GPR176: variants seen among roughly 807,000 people sequenced by gnomAD.
GPR176 encodes the protein G protein-coupled receptor 176.
In GPR176, 26 loss-of-function variants were observed where a neutral mutation model predicts 35.4. The ratio of observed to expected loss-of-function variants is 0.74; its 90% CI spans 0.54 to 1.02. The LOEUF (loss-of-function observed/expected upper bound fraction) is 1.02. GPR176 is among the 50% of genes least tolerant of loss of function. The probability of loss-of-function intolerance (pLI) is 0.00; values close to 1 mark genes in which losing one functional copy is unlikely to be tolerated. For synonymous variants in GPR176, 278 were observed against 271.3 expected, an observed-to-expected ratio of 1.02 and a Z score of -0.24; for missense variants, 597 against 665.3, an observed-to-expected ratio of 0.90 and a Z score of 1.13.
intron 1 of GPR176, among the ~76,000 whole-genome samples, chr15:39,903,093 G>A (rs1177233145): frequency 6.6e-6 from 1 of 152,196 alleles, no homozygotes; most frequent in African/African-American, 2.4e-5. Flanking sequence ...TTCTCCAACT[G>A]TTGGCTAATG....
intron 1 of GPR176, among the ~76,000 whole-genome samples, chr15:39,887,839 C>A (rs1405081790): frequency 2.0e-5 from 3 of 152,116 alleles, no homozygotes; most frequent in Non-Finnish European, 4.4e-5. Context: ...CAAAATATGC[C>A]ACTTTGGCAT....
chr15:39,839,381 G>A (rs923197201), intron 1 of GPR176, among the ~76,000 whole-genome samples: 3 of 152,132 alleles, frequency 2.0e-5, no homozygotes, highest in African/African-American at 2.4e-5. Context: ...ATGGGGAAAG[G>A]ATTCCCTATT....
intron 1 of GPR176, among the ~76,000 whole-genome samples, chr15:39,877,286 A>G (rs2032285311): frequency 1.3e-5 from 2 of 152,122 alleles, no homozygotes; most frequent in African/African-American, 4.8e-5. Flanking sequence ...GAGGAGAATA[A>G]GTTTCTCCTC....
At chr15:39,807,633 A>G (rs1899286246) in intron 1 of GPR176, 4 of 893,932 alleles carry the variant, frequency 4.5e-6, no homozygotes, top group Non-Finnish European at 7.1e-6. Flanking sequence ...ACTCTGCAAC[A>G]GAAATACAGT....
At chr15:39,914,029 G>C (rs1334896578) in intron 1 of GPR176, among the ~76,000 whole-genome samples, 1 of 152,154 alleles carries the variant, frequency 6.6e-6, no homozygotes, top group South Asian at 2.1e-4. Context: ...CTGGACAACA[G>C]AGTGAGACTC....
intron 1 of GPR176, among the ~76,000 whole-genome samples, chr15:39,828,426 G>A (rs998989712): frequency 6.6e-6 from 1 of 152,212 alleles, no homozygotes; most frequent in Non-Finnish European, 1.5e-5. Flanking sequence ...ACTGCTGCCT[G>A]AGGCCAGTGC....
At chr15:39,908,452 T>G (rs758934299) in intron 1 of GPR176, among the ~76,000 whole-genome samples, 18 of 152,206 alleles carry the variant, frequency 1.2e-4, no homozygotes, top group Non-Finnish European at 1.8e-4. Context: ...TACATCTGAC[T>G]TATCTGCCAA....
chr15:39,873,563 C>A (rs1378156412), intron 1 of GPR176, among the ~76,000 whole-genome samples: 1 of 151,712 alleles, frequency 6.6e-6, no homozygotes, highest in Non-Finnish European at 1.5e-5. Context: ...GACCTAGGCT[C>A]ATACATTAGC....
intron 1 of GPR176, among the ~76,000 whole-genome samples, chr15:39,914,740 G>A (rs551313445): frequency 2.0e-5 from 3 of 152,280 alleles, no homozygotes; most frequent in East Asian, 3.9e-4. Context: ...AAATGATCCT[G>A]AGTAATTACA....
chr15:39,866,126 T>C (rs275742), intron 1 of GPR176, among the ~76,000 whole-genome samples: 42,355 of 151,914 alleles, frequency 0.28, 6,455 homozygotes, highest in East Asian at 0.5. Context: ...CTATTTTTTG[T>C]ATAAGAAAAA....
At chr15:39,861,071 A>C (rs532701983) in intron 1 of GPR176, 1 of 152,182 alleles carries the variant, frequency 6.6e-6, no homozygotes, top group African/African-American at 2.4e-5. Context: ...CTGATTGACT[A>C]AACAATCTAG....
At chr15:39,817,080 A>AAAAAAAAAAAC (rs1899963271) in intron 1 of GPR176, among the ~76,000 whole-genome samples, 1 of 151,318 alleles carries the variant, frequency 6.6e-6, no homozygotes, top group Non-Finnish European at 1.5e-5. Context: ...AAAAAAAAAA[A>AAAAAAAAAAAC]AAAGCTTTGA....
At chr15:39,843,339 G>A (rs928823033) in intron 1 of GPR176, among the ~76,000 whole-genome samples, 1 of 151,952 alleles carries the variant, frequency 6.6e-6, no homozygotes, top group African/African-American at 2.4e-5. Context: ...TATTTCAAAG[G>A]TAACTTATAA....
intron 1 of GPR176, among the ~76,000 whole-genome samples, chr15:39,906,487 G>A (rs535209654): frequency 1.3e-5 from 2 of 152,302 alleles, no homozygotes; most frequent in Admixed American, 6.5e-5. Context: ...CATGTCCCCA[G>A]GCTGCTTTTG....
At chr15:39,886,453 T>A (rs1011616244) in intron 1 of GPR176, among the ~76,000 whole-genome samples, 64 of 152,088 alleles carry the variant, frequency 4.2e-4, no homozygotes, top group African/African-American at 1.4e-3. Flanking sequence ...GATTTTCACA[T>A]CTATAAAATT....
intron 1 of GPR176, among the ~76,000 whole-genome samples, chr15:39,833,198 C>G (rs911628791): frequency 6.6e-6 from 1 of 152,002 alleles, no homozygotes; most frequent in Admixed American, 6.6e-5. Flanking sequence ...GAAACTTGTA[C>G]AAAAATGTTC....
At chr15:39,802,548 T>C (rs1898952155) in intron 2 of GPR176, among the ~76,000 whole-genome samples, 1 of 152,256 alleles carries the variant, frequency 6.6e-6, no homozygotes, top group Non-Finnish European at 1.5e-5. Context: ...GCTAGCTTTA[T>C]AATTATTGCT....
chr15:39,852,656 A>G (rs2030951296), intron 1 of GPR176, among the ~76,000 whole-genome samples: 1 of 152,222 alleles, frequency 6.6e-6, no homozygotes, highest in South Asian at 2.1e-4. Context: ...TGCCACAAGT[A>G]TATACTACAT....
chr15:39,875,315 C>CA (rs2032200906), intron 1 of GPR176, among the ~76,000 whole-genome samples: 1 of 152,166 alleles, frequency 6.6e-6, no homozygotes, highest in Admixed American at 6.5e-5. Flanking sequence ...CTTAGATTAT[C>CA]ATGACAATAC....
Sources: gnomAD v4.1 joint callset for allele counts (sites outside exome capture counted in the v4.1 genomes callset) on GRCh38, gnomAD v4.1.1 for gene constraint, MANE v1.5 for transcripts, NCBI Gene and HGNC (gene_info 2026-07-23, HGNC 2026-07-21) for gene names.